PRDM10: variants seen among roughly 807,000 people sequenced by gnomAD.
PRDM10 encodes PR domain zinc finger protein 10.
In PRDM10, 65 loss-of-function variants were observed where a neutral mutation model predicts 133.1. That is an observed-to-expected ratio of 0.49 (90% CI 0.40 to 0.60). The LOEUF is 0.60. Ranked by LOEUF, PRDM10 falls within the 20% of genes least tolerant of loss-of-function variation. The pLI, the probability that PRDM10 is intolerant of heterozygous loss-of-function variation, is 0.00. For synonymous variants in PRDM10, 582 were observed against 580.4 expected (o/e 1.00, Z -0.04); for missense variants, 1,137 against 1,507.1 (o/e 0.75, Z 4.07).
At chr11:129,989,512 T>C (rs973513831) in intron 1 of PRDM10, among the ~76,000 whole-genome samples, 2 of 152,178 alleles carry the variant, frequency 1.3e-5, no homozygotes, top group East Asian at 1.9e-4. Context: ...AGCTCTTTTA[T>C]TGAATTAGCC....
intron 1 of PRDM10, among the ~76,000 whole-genome samples, chr11:129,971,407 T>A: frequency 6.6e-6 from 1 of 152,206 alleles, no homozygotes; most frequent in Middle Eastern, 3.4e-3. Flanking sequence ...GTTCTCCACG[T>A]CCCCATCAGA....
rs531364502 is a variant in PRDM10 at position 129,907,137 on chromosome 11, A to G, written c.3164-1396T>C. Among the ~76,000 whole-genome samples the G allele has an allele frequency of 3.9e-5, 6 of 152,338 alleles. No individual in the cohort carries two copies. The South Asian group carries it at 1.0e-3, about 26-fold the overall frequency. ...GAAGTACACACACCAGCTATGAAGT[A>G]TCAGGAGGAAAAAAACAAACTGCAC... On this transcript the variant is annotated intron_variant, in intron 19 of 20. Coordinates refer to ENST00000360871, the MANE Select transcript of PRDM10 (RefSeq NM_199437.2).
At position 129,902,168 on chromosome 11, in the gene PRDM10, C is replaced by G; in HGVS notation, c.*145G>C. On this transcript the variant is annotated 3_prime_UTR_variant, in exon 21 of 21. Transcript: ENST00000360871. ...AAAGATGACCTTGGCAAAATAAACC[C>G]CAGTGTATGGATGAGAGACAAAACT... The G allele has an allele frequency of 8.7e-7, 1 of 1,145,534 alleles. No homozygotes were observed. The highest frequency in any genetic ancestry group is 1.2e-6 in the Non-Finnish European group (1 of 832,456). The allele number at this position is 1,145,534 out of a possible 1,614,324, so 71.0% of individuals were successfully genotyped here.
intron 4 of PRDM10, among the ~76,000 whole-genome samples, chr11:129,953,270 A>G (rs1591656206): frequency 6.6e-6 from 1 of 151,840 alleles, no homozygotes; most frequent in African/African-American, 2.4e-5. Context: ...GATCCACTGC[A>G]CCCAGCCGTC....
intron 1 of PRDM10, among the ~76,000 whole-genome samples, chr11:129,973,230 C>T (rs926513323): frequency 2.6e-5 from 4 of 152,098 alleles, no homozygotes; most frequent in Non-Finnish European, 5.9e-5. Flanking sequence ...AATTAGCAAC[C>T]TGCTAGGGTA....
At chr11:129,937,379 C>T (rs990825828) in intron 8 of PRDM10, among the ~76,000 whole-genome samples, 1 of 152,010 alleles carries the variant, frequency 6.6e-6, no homozygotes, top group African/African-American at 2.4e-5. Context: ...ATTTGGAAGT[C>T]TTCATTATAT....
intron 3 of PRDM10, among the ~76,000 whole-genome samples, chr11:129,955,868 G>C (rs60072250): frequency 0.14 from 20,598 of 152,096 alleles, 2,338 homozygotes; most frequent in East Asian, 0.51. Flanking sequence ...TAATTAAAAA[G>C]GCATCTCATG....
chr11:129,919,054 A>G (rs1003977408), intron 13 of PRDM10, among the ~76,000 whole-genome samples: 4 of 152,204 alleles, frequency 2.6e-5, no homozygotes, highest in Admixed American at 2.0e-4. Flanking sequence ...AGACAAATTG[A>G]TAACAGGTAA....
At chr11:129,926,705 C>G (rs778848633) in intron 11 of PRDM10, among the ~76,000 whole-genome samples, 18 of 152,130 alleles carry the variant, frequency 1.2e-4, no homozygotes, top group Admixed American at 3.3e-4. Context: ...AGATAAACAG[C>G]AATTCTGTGA....
In PRDM10 at chr11:129,923,684, G is replaced by GAGAA. The variant is rs1950589171; in HGVS notation, c.1879-282_1879-281insTTCT. Among the ~76,000 whole-genome samples the GAGAA allele has an allele frequency of 1.3e-5, 2 of 150,554 alleles. No homozygotes were observed. Among genetic ancestry groups the GAGAA allele is most frequent in the Non-Finnish European group, 3.0e-5 (2 of 67,642 alleles). ...AGAGAGAGAGAGAGAGAGAGAGAGA[G>GAGAA]AGAGAGAGAGTGCTTGCTTGGTCAA... On this transcript the variant is annotated intron_variant, in intron 12 of 20. Transcript: ENST00000360871. This position sits in a 1 kb window ranked among gnomAD's most constrained non-coding sequence, Gnocchi z 4.4.
At chr11:129,988,565 G>A (rs1377371035) in intron 1 of PRDM10, among the ~76,000 whole-genome samples, 1 of 151,000 alleles carries the variant, frequency 6.6e-6, no homozygotes, top group African/African-American at 2.4e-5. Flanking sequence ...TGAACTGCAT[G>A]GTATGTAAAT....
chr11:129,974,824 G>A lies in PRDM10; in HGVS notation c.-118-13742C>T, dbSNP rs554873989. ...ACAAACTGTGGTCTGTACATACAGC[G>A]GAATATTATTCAGCCTTAAAAAGGA... On this transcript the variant is annotated intron_variant, in intron 1 of 20. Transcript: ENST00000360871. 1.5e-4 allele frequency among the ~76,000 whole-genome samples: 23 copies of A among 152,290 alleles called. No individual in the cohort carries two copies. The South Asian group carries it at 3.3e-3, about 22-fold the overall frequency.
At chr11:129,952,970 A>C (rs186358649) in intron 4 of PRDM10, among the ~76,000 whole-genome samples, 8 of 152,136 alleles carry the variant, frequency 5.3e-5, no homozygotes, top group Admixed American at 5.2e-4. Flanking sequence ...TAAAATATTA[A>C]AATTAGTCTT....
chr11:129,981,185 T>C (rs1938091505), intron 1 of PRDM10, among the ~76,000 whole-genome samples: 1 of 152,162 alleles, frequency 6.6e-6, no homozygotes, highest in Admixed American at 6.5e-5. Context: ...ATGTTCCTTT[T>C]TCAGGTGATG....
In PRDM10 at chr11:129,945,306, AATCAATTACAAC is replaced by A. The variant is rs1322356830; in HGVS notation, c.521-306_521-295del. The stretch of plus-strand genomic sequence containing the variant: ...TTGAATAGTGGCCACTAAATTTACA[AATCAATTACAAC>A]ATGTCTGAAGAGTAAAAAGAGCGTA... On this transcript the variant is annotated intron_variant, in intron 5 of 20. Transcript: ENST00000360871. This position sits in a 1 kb window ranked among gnomAD's most constrained non-coding sequence, Gnocchi z 4.2. 6.6e-6 allele frequency among the ~76,000 whole-genome samples: 1 copy of A among 152,166 alleles called. No individual in the cohort carries two copies. The highest frequency in any genetic ancestry group is 1.9e-4 in the East Asian group (1 of 5,198).
chr11:129,921,112 C>T (rs1185006110), intron 13 of PRDM10, among the ~76,000 whole-genome samples: 1 of 152,136 alleles, frequency 6.6e-6, no homozygotes, highest in Non-Finnish European at 1.5e-5. Flanking sequence ...ATTCTTTTCT[C>T]TATTCTAGTG....
Position 129,960,902 on chromosome 11 carries a change from G to A in PRDM10, c.63C>T (p.Ala21=), listed in dbSNP as rs781017702. Reference sequence around the variant, plus strand: ...GGAAAAGACCAGTCTTCACCTGTGCGGCATTCTGTTCATGCTCTGCAGATG... The same window carrying A: ...GGAAAAGACCAGTCTTCACCTGTGCAGCATTCTGTTCATGCTCTGCAGATG... ...WPTSAEHEQN[A]AQVHFVPDTG... is the part of the protein sequence containing the mutation. The change falls in exon 2 of 21, where the codon GCC becomes GCT. Residue 21 remains alanine (A), a synonymous_variant. Coordinates refer to ENST00000360871, the MANE Select transcript of PRDM10 (RefSeq NM_199437.2). The A allele has an allele frequency of 1.8e-5, 29 of 1,613,928 alleles. No individual in the cohort carries two copies. Among genetic ancestry groups the A allele is most frequent in the Admixed American group, 8.3e-5 (5 of 59,984 alleles).
intron 5 of PRDM10, among the ~76,000 whole-genome samples, chr11:129,946,803 G>A (rs1458548821): frequency 6.6e-6 from 1 of 152,214 alleles, no homozygotes; most frequent in Non-Finnish European, 1.5e-5. Flanking sequence ...TGGCTGAAGA[G>A]CGCAGGATCG....
At chr11:129,993,727 AC>A (rs1938884697) in intron 1 of PRDM10, among the ~76,000 whole-genome samples, 1 of 151,174 alleles carries the variant, frequency 6.6e-6, no homozygotes, top group Non-Finnish European at 1.5e-5. Context: ...CTCGTGATCC[AC>A]CCGCCTCGGC....
Sources: allele counts gnomAD v4.1 joint callset (sites outside exome capture counted in the v4.1 genomes callset), GRCh38; gene constraint gnomAD v4.1.1; non-coding constraint Gnocchi (gnomAD v3.1); transcripts MANE v1.5; gene names NCBI Gene and HGNC (gene_info 2026-07-23, HGNC 2026-07-21).